Variants in KCNQ5 observed in about 807,000 individuals in gnomAD.
KCNQ5 encodes the protein potassium voltage-gated channel subfamily KQT member 5.
KCNQ5 carries 30 observed loss-of-function variants against 98.2 expected under a neutral mutation model. That is an observed-to-expected ratio of 0.31 (90% CI 0.23 to 0.41). KCNQ5 has a LOEUF of 0.41. Among genes scored for constraint, KCNQ5 ranks in the 10% least tolerant of loss-of-function variants. The pLI, the probability that KCNQ5 is intolerant of heterozygous loss-of-function variation, is 1.00. For missense variants in KCNQ5, 835 were observed against 1,182.5 expected (o/e 0.71, Z 4.31); for synonymous variants, 458 against 449.4 (o/e 1.02, Z -0.24).
chr6:72,745,148 C>T (rs1771317235), intron 1 of KCNQ5, among the ~76,000 whole-genome samples: 1 of 152,104 alleles, frequency 6.6e-6, no homozygotes, highest in African/African-American at 2.4e-5. Flanking sequence ...TTTTCTTGCA[C>T]TTTGTCTTAT....
intron 3 of KCNQ5, among the ~76,000 whole-genome samples, chr6:73,057,872 A>C (rs1772594566): frequency 6.6e-6 from 1 of 152,278 alleles, no homozygotes; most frequent in South Asian, 2.1e-4. Context: ...TACAGTAACC[A>C]CAACAGCATG....
chr6:73,088,227 G>T (rs536067585), intron 5 of KCNQ5, among the ~76,000 whole-genome samples: 1 of 151,664 alleles, frequency 6.6e-6, no homozygotes, highest in Non-Finnish European at 1.5e-5. Context: ...CACCATGTTG[G>T]CCAGGCTGGT....
intron 1 of KCNQ5, among the ~76,000 whole-genome samples, chr6:72,888,485 C>T (rs760972343): frequency 5.3e-5 from 8 of 152,088 alleles, no homozygotes; most frequent in African/African-American, 1.9e-4. Flanking sequence ...ACTGAAGAAC[C>T]TTAAGCGGAC....
intron 1 of KCNQ5, among the ~76,000 whole-genome samples, chr6:72,877,468 A>G (rs1429065167): frequency 6.6e-6 from 1 of 151,974 alleles, no homozygotes. Flanking sequence ...TCTATCATTG[A>G]TGGGCATTTG....
At chr6:72,765,387 C>A (rs1187002081) in intron 1 of KCNQ5, among the ~76,000 whole-genome samples, 2 of 151,900 alleles carry the variant, frequency 1.3e-5, no homozygotes, top group Admixed American at 1.3e-4. Context: ...AAGATAAGGA[C>A]CATGCAGAAA....
At chr6:72,949,805 A>G (rs1766716600) in intron 1 of KCNQ5, among the ~76,000 whole-genome samples, 1 of 152,198 alleles carries the variant, frequency 6.6e-6, no homozygotes, top group African/African-American at 2.4e-5. Flanking sequence ...ATTACACTGG[A>G]AAGCAAGAAT....
At chr6:72,860,943 G>A (rs927787773) in intron 1 of KCNQ5, among the ~76,000 whole-genome samples, 8 of 151,950 alleles carry the variant, frequency 5.3e-5, no homozygotes, top group African/African-American at 1.9e-4. Flanking sequence ...TTTTCCCTTT[G>A]ATTGTTATGT....
intron 3 of KCNQ5, among the ~76,000 whole-genome samples, chr6:73,061,527 C>T (rs1772780636): frequency 6.6e-6 from 1 of 152,080 alleles, no homozygotes; most frequent in African/African-American, 2.4e-5. Context: ...ACTCACACTC[C>T]AGGCACTTTT....
intron 2 of KCNQ5, among the ~76,000 whole-genome samples, chr6:73,012,043 A>T (rs145187317): frequency 1.3e-5 from 2 of 152,076 alleles, no homozygotes; most frequent in East Asian, 1.9e-4. Context: ...TATAGCCACT[A>T]TGGAAAACAA....
intron 1 of KCNQ5, among the ~76,000 whole-genome samples, chr6:72,916,722 A>G (rs1207187911): frequency 3.9e-5 from 6 of 152,298 alleles, no homozygotes; most frequent in Admixed American, 2.6e-4. Context: ...AAGTTTTCCT[A>G]TATAACTACA....
intron 1 of KCNQ5, among the ~76,000 whole-genome samples, chr6:72,898,259 C>T (rs557253954): frequency 2.0e-5 from 3 of 152,096 alleles, no homozygotes; most frequent in Non-Finnish European, 2.9e-5. Context: ...TCTATCAACC[C>T]GTCAGTGAGG....
intron 1 of KCNQ5, among the ~76,000 whole-genome samples, chr6:72,679,829 G>A (rs759287206): frequency 4.6e-5 from 7 of 152,308 alleles, no homozygotes; most frequent in Admixed American, 2.6e-4. Context: ...CCCTAGGTCA[G>A]GAGTTCGAGA....
chr6:72,883,800 G>A (rs1778746747), intron 1 of KCNQ5, among the ~76,000 whole-genome samples: 1 of 152,020 alleles, frequency 6.6e-6, no homozygotes, highest in African/African-American at 2.4e-5. Flanking sequence ...CAAAATATAA[G>A]GAAATAGAGA....
At chr6:73,133,207 T>G (rs1376942494) in intron 9 of KCNQ5, among the ~76,000 whole-genome samples, 1 of 152,166 alleles carries the variant, frequency 6.6e-6, no homozygotes, top group African/African-American at 2.4e-5. Context: ...GAAGGATGTA[T>G]GTACCTGTAG....
chr6:72,988,862 G>A (rs1399730381), intron 1 of KCNQ5, among the ~76,000 whole-genome samples: 1 of 92,938 alleles, frequency 1.1e-5, no homozygotes, highest in Non-Finnish European at 2.1e-5. Context: ...GTGTCCATGT[G>A]ATCTCATTGT....
intron 1 of KCNQ5, among the ~76,000 whole-genome samples, chr6:72,787,769 G>A (rs1288897115): frequency 2.0e-5 from 3 of 152,144 alleles, no homozygotes; most frequent in Admixed American, 6.6e-5. Flanking sequence ...TGACCTTGAT[G>A]TTCCTACATT....
chr6:72,624,974 C>T (rs899655932), intron 1 of KCNQ5, among the ~76,000 whole-genome samples: 34 of 152,274 alleles, frequency 2.2e-4, no homozygotes, highest in African/African-American at 8.2e-4. Flanking sequence ...AAAATAATTT[C>T]GAGAGAGGTG....
intron 1 of KCNQ5, among the ~76,000 whole-genome samples, chr6:72,658,780 A>G (rs370380081): frequency 1.9e-3 from 283 of 151,540 alleles, no homozygotes; most frequent in Middle Eastern, 0.014. Flanking sequence ...GGGTTTCACC[A>G]TGTTAACCAG....
chr6:72,867,836 G>A (rs756672145), intron 1 of KCNQ5, among the ~76,000 whole-genome samples: 5 of 151,896 alleles, frequency 3.3e-5, no homozygotes, highest in South Asian at 2.1e-4. Flanking sequence ...TGGGAAGGTC[G>A]AGGCAGGAGG....
Sources: gnomAD v4.1 joint callset for allele counts (sites outside exome capture counted in the v4.1 genomes callset) on GRCh38, gnomAD v4.1.1 for gene constraint, MANE v1.5 for transcripts, NCBI Gene and HGNC (gene_info 2026-07-23, HGNC 2026-07-21) for gene names.